TMEM59: variants seen among roughly 807,000 people sequenced by gnomAD.
The protein encoded by TMEM59 is dendritic cell factor 1.
TMEM59 carries 44 observed loss-of-function variants against 42.2 expected under a neutral mutation model. The observed-to-expected ratio is 1.04, with a 90% CI of 0.82 to 1.34. The LOEUF (loss-of-function observed/expected upper bound fraction) is 1.34. Among genes scored for constraint, TMEM59 ranks in the 40% most tolerant of loss-of-function variants. TMEM59 has a pLI of 0.00. For synonymous variants in TMEM59, 148 were observed against 145.8 expected, an observed-to-expected ratio of 1.02 and a Z score of -0.11; for missense variants, 359 against 382.8, an observed-to-expected ratio of 0.94 and a Z score of 0.52.
Position 54,047,320 on chromosome 1 carries a change from T to C in TMEM59, c.242A>G (p.Gln81Arg). The change falls in exon 2 of 8, where the codon CAG becomes CGG. Residue 81 changes from glutamine to arginine, a missense_variant. By Grantham distance (43) the Gln-to-Arg change is conservative (BLOSUM62 1). Transcript: ENST00000234831. ...TAAGTCAATTCCATCATCCACAAAC[T>C]GACAAATTGAAAACAGCCTGCAACC... ...QRGCRLFSICQFVDDGIDLNR... is the reference protein window; with the variant it reads ...QRGCRLFSICRFVDDGIDLNR... The C allele has an allele frequency of 1.9e-6, 3 of 1,613,924 alleles. No homozygotes were observed. Among genetic ancestry groups the C allele is most frequent in the Non-Finnish European group, 2.5e-6 (3 of 1,179,928 alleles).
In TMEM59 at chr1:54,030,853, C is replaced by G. The variant is rs148691924; in HGVS notation, c.*1297G>C. ...AGGAGTGACTAACTTATTCTTTAGT[C>G]AAACAGCACTGATGCAGTTGTCAGC... On this transcript the variant is annotated 3_prime_UTR_variant, in exon 8 of 8. Coordinates refer to ENST00000234831, the MANE Select transcript of TMEM59 (RefSeq NM_004872.5). 6.6e-6 allele frequency: 1 copy of G among 152,280 alleles called. No individual in the cohort carries two copies. The highest frequency in any genetic ancestry group is 2.4e-5 in the African/African-American group (1 of 41,554). 9.4% of individuals were successfully genotyped at this position (152,280 alleles called of 1,614,324 possible). A position where few individuals can be genotyped will look rare whatever the true frequency, so the allele number is the denominator to read the frequency against.
At chr1:54,032,341 A>G in intron 7 of TMEM59, 36 bp from the exon 8 acceptor site, 1 of 1,500,624 alleles carries the variant, frequency 6.7e-7, no homozygotes, top group South Asian at 1.4e-5. Flanking sequence ...AGTAGTCTGG[A>G]TAATTAGGAA....
At chr1:54,035,693 G>A (rs1167332501) in intron 7 of TMEM59, among the ~76,000 whole-genome samples, 1 of 151,972 alleles carries the variant, frequency 6.6e-6, no homozygotes, top group Non-Finnish European at 1.5e-5. Context: ...GCTCACTGCA[G>A]CCTCAACCTC....
intron 7 of TMEM59, 149 bp downstream of exon 7, chr1:54,036,461 T>C (rs1656953041): frequency 2.0e-6 from 1 of 512,440 alleles, no homozygotes; most frequent in South Asian, 3.7e-5. Context: ...CCTGTAATTT[T>C]TATGTGTGCC....
At chr1:54,043,043 T>C (rs562214723) in intron 4 of TMEM59, among the ~76,000 whole-genome samples, 1 of 152,328 alleles carries the variant, frequency 6.6e-6, no homozygotes, top group African/African-American at 2.4e-5. Flanking sequence ...TGTAATCATA[T>C]ATGGCCACTA....
chr1:54,046,817 G>A (rs1265960012), intron 2 of TMEM59, among the ~76,000 whole-genome samples: 4 of 152,198 alleles, frequency 2.6e-5, no homozygotes, highest in African/African-American at 4.8e-5. Flanking sequence ...TTTAACAGAT[G>A]ACAAAGCCTC....
rs929277471 is a variant in TMEM59 at position 54,031,458 on chromosome 1, T to C, written c.*692A>G. On this transcript the variant is annotated 3_prime_UTR_variant, in exon 8 of 8. Coordinates refer to ENST00000234831, the MANE Select transcript of TMEM59 (RefSeq NM_004872.5). ...TGATATGCTATCTAACAGAGAAAAA[T>C]AGTTCTTTGGAAACACTCATCAAAC... 1.3e-5 allele frequency: 2 copies of C among 152,264 alleles called. No individual in the cohort carries two copies. Among genetic ancestry groups the C allele is most frequent in the East Asian group, 1.9e-4 (1 of 5,196 alleles). The allele number at this position is 152,264 out of a possible 1,614,324, so 9.4% of individuals were successfully genotyped here.
At chr1:54,033,004 C>G (rs956946393) in intron 7 of TMEM59, 1 of 151,360 alleles carries the variant, frequency 6.6e-6, no homozygotes, top group African/African-American at 2.4e-5. Context: ...TAGCTCACTA[C>G]TAGGCCTTGA....
At chr1:54,053,342 G>A (rs1657649288), upstream of TMEM59, 1 of 815,930 alleles carries the variant, frequency 1.2e-6, no homozygotes, top group Admixed American at 2.9e-5. Flanking sequence ...AGAAACTGCC[G>A]CCTCCTGCCT....
intron 6 of TMEM59, among the ~76,000 whole-genome samples, chr1:54,038,835 A>T (rs889886089): frequency 5.3e-5 from 8 of 152,078 alleles, no homozygotes; most frequent in Admixed American, 2.0e-4. Context: ...AAAAGCATTT[A>T]AAAAAAGAAC....
At chr1:54,045,532 T>C (rs1657299453) in intron 3 of TMEM59, 160 bp downstream of exon 3, 2 of 610,970 alleles carry the variant, frequency 3.3e-6, no homozygotes, top group Non-Finnish European at 5.9e-6. Flanking sequence ...ACAAAAGCAA[T>C]TATTCAACTG....
At chr1:54,040,704 T>C in intron 6 of TMEM59, 52 bp downstream of exon 6, 2 of 1,383,720 alleles carry the variant, frequency 1.4e-6, no homozygotes, top group Non-Finnish European at 2.0e-6. Flanking sequence ...TATATCTCTC[T>C]GATACAAGCC....
chr1:54,046,626 G>C (rs1557679517), intron 2 of TMEM59, among the ~76,000 whole-genome samples: 1 of 152,226 alleles, frequency 6.6e-6, no homozygotes, highest in South Asian at 2.1e-4. Flanking sequence ...TATCAAAGAA[G>C]ACTGTATGTG....
intron 1 of TMEM59, among the ~76,000 whole-genome samples, chr1:54,052,562 C>T (rs1455982058): frequency 6.6e-6 from 1 of 152,198 alleles, no homozygotes; most frequent in African/African-American, 2.4e-5. Flanking sequence ...AGACTGCGCT[C>T]CTGGCCCCGA....
chr1:54,052,962 C>T, intron 1 of TMEM59, 38 bp downstream of exon 1: 3 of 1,577,416 alleles, frequency 1.9e-6, no homozygotes, highest in Non-Finnish European at 2.6e-6. Context: ...AAATGGGCTG[C>T]AAGGGAAGGG....
chr1:54,043,123 T>C (rs1297775911), intron 4 of TMEM59, among the ~76,000 whole-genome samples: 55 of 152,166 alleles, frequency 3.6e-4, no homozygotes, highest in Admixed American at 3.6e-3. Context: ...TTAACCACCA[T>C]AAAATTTAAA....
rs753445627 is a variant in TMEM59, at chr1:54,041,714, T to G, written c.625+10A>C. On this transcript the variant is annotated intron_variant, in intron 5 of 7. Coordinates refer to ENST00000234831, the MANE Select transcript of TMEM59 (RefSeq NM_004872.5). ...ATGTTTTTATCTAAGCTACTTAAAA[T>G]AAAACTTACAGGACATTTTGCTTAG... 2 of 1,610,348 alleles carry G rather than the reference T, an allele frequency of 1.2e-6. No homozygotes were observed. The highest frequency in any genetic ancestry group is 8.5e-7 in the Non-Finnish European group (1 of 1,177,338).
Position 54,030,770 on chromosome 1 carries a change from G to A in TMEM59, c.*1380C>T, listed in dbSNP as rs1166165447. On this transcript the variant is annotated 3_prime_UTR_variant, in exon 8 of 8. Transcript: ENST00000234831. The stretch of plus-strand genomic sequence containing the variant: ...ACACTTTGTGACCAAAGTCTTCCTT[G>A]ATTAGCTGTTAACTGCTTTTCATTT... The A allele has an allele frequency of 6.6e-6, 1 of 152,140 alleles. No individual in the cohort carries two copies. Among genetic ancestry groups the A allele is most frequent in the Non-Finnish European group, 1.5e-5 (1 of 68,036 alleles). The allele number at this position is 152,140 out of a possible 1,614,324, so 9.4% of individuals were successfully genotyped here.
intron 4 of TMEM59, among the ~76,000 whole-genome samples, chr1:54,042,964 T>G (rs1375881502): frequency 2.0e-5 from 3 of 152,194 alleles, no homozygotes; most frequent in Non-Finnish European, 4.4e-5. Context: ...GTTCTCTTAT[T>G]AGAGTCATGA....
Sources: allele counts gnomAD v4.1 joint callset (sites outside exome capture counted in the v4.1 genomes callset), GRCh38; gene constraint gnomAD v4.1.1; transcripts MANE v1.5; gene names NCBI Gene and HGNC (gene_info 2026-07-23, HGNC 2026-07-21).